The following PCSK2 variants were observed in gnomAD, a reference collection of about 807,000 sequenced individuals.
The protein encoded by PCSK2 is neuroendocrine convertase 2.
PCSK2 carries 14 observed loss-of-function variants against 69.7 expected under a neutral mutation model. That is an observed-to-expected ratio of 0.20 (90% CI 0.13 to 0.31). The LOEUF is 0.31. PCSK2 is among the 10% of genes least tolerant of loss of function. The pLI, the probability that PCSK2 is intolerant of heterozygous loss-of-function variation, is 1.00. For missense variants in PCSK2, 544 were observed against 842.5 expected, an observed-to-expected ratio of 0.65 and a Z score of 4.39; for synonymous variants, 307 against 320.7, an observed-to-expected ratio of 0.96 and a Z score of 0.46.
chr20:17,316,759 T>C (rs1183113441), intron 2 of PCSK2, among the ~76,000 whole-genome samples: 2 of 152,222 alleles, frequency 1.3e-5, no homozygotes, highest in African/African-American at 4.8e-5. Context: ...TGTGATGTTG[T>C]AGTTGTGAAA....
rs1600419782 is a variant in PCSK2, at chr20:17,260,362, A to G, written c.282+18A>G. The G allele has an allele frequency of 6.5e-7, 1 of 1,537,352 alleles. No homozygotes were observed. Among genetic ancestry groups the G allele is most frequent in the South Asian group, 1.1e-5 (1 of 89,544 alleles). On this transcript the variant is annotated intron_variant, in intron 2 of 11. Transcript: ENST00000262545. ...ACCCCAGGGTGAGTTTTCCCCAGAA[A>G]CCTGCCTCCCAATCTCTGCTGCCAT...
chr20:17,337,902 C>T (rs1990399691), intron 2 of PCSK2, among the ~76,000 whole-genome samples: 1 of 140,688 alleles, frequency 7.1e-6, no homozygotes. Context: ...GTATTCCAGC[C>T]TGGGTGACAA....
chr20:17,401,266 A>G (rs934173624), intron 5 of PCSK2, among the ~76,000 whole-genome samples: 1 of 152,218 alleles, frequency 6.6e-6, no homozygotes, highest in Admixed American at 6.5e-5. Context: ...TTTATAAGCA[A>G]CAGAAATCTA....
intron 11 of PCSK2, among the ~76,000 whole-genome samples, chr20:17,477,009 G>A (rs192265866): frequency 1.3e-3 from 202 of 152,294 alleles, no homozygotes; most frequent in Non-Finnish European, 2.3e-3. Context: ...GGGTGGGAGA[G>A]GGGAATACAG....
intron 8 of PCSK2, among the ~76,000 whole-genome samples, chr20:17,443,377 C>G (rs2032635465): frequency 6.6e-6 from 1 of 152,148 alleles, no homozygotes; most frequent in Non-Finnish European, 1.5e-5. Context: ...GTTTCAATGC[C>G]TGGTCTCCTT....
At chr20:17,400,315 T>G (rs2031605746) in intron 5 of PCSK2, among the ~76,000 whole-genome samples, 1 of 152,250 alleles carries the variant, frequency 6.6e-6, no homozygotes, top group Admixed American at 6.5e-5. Context: ...AAAGCAAGAT[T>G]GCACACTTAG....
intron 2 of PCSK2, among the ~76,000 whole-genome samples, chr20:17,304,597 T>C (rs1443974875): frequency 6.6e-6 from 1 of 152,190 alleles, no homozygotes; most frequent in Non-Finnish European, 1.5e-5. Flanking sequence ...CTTAGAAACT[T>C]TTCTGTGTTG....
At chr20:17,441,936 A>G (rs2032606096) in intron 8 of PCSK2, among the ~76,000 whole-genome samples, 2 of 151,660 alleles carry the variant, frequency 1.3e-5, no homozygotes, top group South Asian at 4.2e-4. Context: ...GGGTCATTGC[A>G]GATATAATTA....
chr20:17,346,282 C>G (rs1008270130), intron 2 of PCSK2, among the ~76,000 whole-genome samples: 7 of 152,188 alleles, frequency 4.6e-5, no homozygotes, highest in South Asian at 2.1e-4. Context: ...GTTGGCTCCC[C>G]TTTACCTCTC....
intron 5 of PCSK2, among the ~76,000 whole-genome samples, chr20:17,401,439 C>T (rs975542420): frequency 6.6e-5 from 10 of 152,174 alleles, no homozygotes; most frequent in Non-Finnish European, 1.3e-4. Flanking sequence ...GCACTAATCC[C>T]GTTCATGAGG....
intron 2 of PCSK2, among the ~76,000 whole-genome samples, chr20:17,272,278 A>G (rs1987899183): frequency 6.6e-6 from 1 of 152,092 alleles, no homozygotes; most frequent in Non-Finnish European, 1.5e-5. Context: ...TTGCATGCTC[A>G]CTTCCCGTAT....
At chr20:17,386,438 C>G (rs1389952763) in intron 5 of PCSK2, among the ~76,000 whole-genome samples, 3 of 152,016 alleles carry the variant, frequency 2.0e-5, no homozygotes, top group African/African-American at 7.2e-5. Context: ...ATCCTAAGGT[C>G]CTAAGATTAT....
At chr20:17,358,132 C>CG (rs1555790753) in intron 2 of PCSK2, among the ~76,000 whole-genome samples, 195 bp from the exon 3 acceptor site, 1 of 150,998 alleles carries the variant, frequency 6.6e-6, no homozygotes, top group African/African-American at 2.5e-5. Flanking sequence ...ATAGCGAGAC[C>CG]CCCCCTAATC....
intron 1 of PCSK2, among the ~76,000 whole-genome samples, chr20:17,250,091 A>C (rs1568569684): frequency 6.6e-6 from 1 of 152,230 alleles, no homozygotes; most frequent in Non-Finnish European, 1.5e-5. Context: ...TTAACGTCTT[A>C]GGTAAACATA....
intron 2 of PCSK2, among the ~76,000 whole-genome samples, chr20:17,333,677 C>T (rs1990261922): frequency 6.6e-6 from 1 of 151,898 alleles, no homozygotes; most frequent in Admixed American, 6.6e-5. Flanking sequence ...GTCTCTGGGG[C>T]CACTTCATGT....
At chr20:17,290,450 C>A (rs1036174329) in intron 2 of PCSK2, among the ~76,000 whole-genome samples, 2 of 152,118 alleles carry the variant, frequency 1.3e-5, no homozygotes, top group Non-Finnish European at 2.9e-5. Context: ...CACCATGTGC[C>A]CAGCCTGGAA....
At chr20:17,462,230 G>T (rs920209133) in intron 10 of PCSK2, among the ~76,000 whole-genome samples, 1 of 151,866 alleles carries the variant, frequency 6.6e-6, no homozygotes, top group Non-Finnish European at 1.5e-5. Flanking sequence ...AATACTAAAT[G>T]TTTGGAGGAA....
At chr20:17,341,561 G>A (rs992015756) in intron 2 of PCSK2, among the ~76,000 whole-genome samples, 1 of 152,136 alleles carries the variant, frequency 6.6e-6, no homozygotes, top group South Asian at 2.1e-4. Context: ...GAGATGGACC[G>A]TCAAATGTGT....
chr20:17,263,210 C>T lies in PCSK2; in HGVS notation c.282+2866C>T, dbSNP rs1437566411. ...CCAGAAATTTCAATGATGTTTGCCT[C>T]TCATGTAACAACTAATTTTTATGCT... On this transcript the variant is annotated intron_variant, in intron 2 of 11. Coordinates refer to ENST00000262545, the MANE Select transcript of PCSK2 (RefSeq NM_002594.5). The T allele has an allele frequency of 9.1e-6, 7 of 767,718 alleles. No individual in the cohort carries two copies. In the African/African-American group the frequency reaches 1.3e-4, roughly 14 times the overall value. The allele number at this position is 767,718 out of a possible 1,614,324, so 47.6% of individuals were successfully genotyped here. A position where few individuals can be genotyped will look rare whatever the true frequency, so the allele number is the denominator to read the frequency against.
Sources: gnomAD v4.1 joint callset for allele counts (sites outside exome capture counted in the v4.1 genomes callset) on GRCh38, gnomAD v4.1.1 for gene constraint, MANE v1.5 for transcripts, NCBI Gene and HGNC (gene_info 2026-07-23, HGNC 2026-07-21) for gene names.